PALD1: variants seen among roughly 807,000 people sequenced by gnomAD.
The protein encoded by PALD1 is phosphatase domain containing paladin 1, also known as paladin.
A neutral mutation model predicts 96.0 loss-of-function variants in PALD1; 57 were observed. That is an observed-to-expected ratio of 0.59 (90% CI 0.48 to 0.74). The LOEUF is 0.74. Among genes scored for constraint, PALD1 ranks in the 30% least tolerant of loss-of-function variants. The probability of loss-of-function intolerance (pLI) is 0.00; values close to 1 mark genes in which losing one functional copy is unlikely to be tolerated. For synonymous variants in PALD1, 464 were observed against 473.6 expected, an observed-to-expected ratio of 0.98 and a Z score of 0.26; for missense variants, 1,063 against 1,143.7, an observed-to-expected ratio of 0.93 and a Z score of 1.02.
intron 1 of PALD1, among the ~76,000 whole-genome samples, chr10:70,507,110 A>T (rs887241058): frequency 2.6e-5 from 4 of 152,066 alleles, no homozygotes; most frequent in African/African-American, 9.7e-5. Flanking sequence ...TATTAAAAAA[A>T]ATTTTTTTAG....
chr10:70,536,519 C>T (rs1432868963), intron 10 of PALD1, among the ~76,000 whole-genome samples: 2 of 152,178 alleles, frequency 1.3e-5, no homozygotes, highest in African/African-American at 4.8e-5. Context: ...TCTTTCTCCC[C>T]TTAGTCTAGA....
At chr10:70,554,952 TCCCCCC>T (rs1847569924) in intron 18 of PALD1, among the ~76,000 whole-genome samples, 1 of 284 alleles carries the variant, frequency 3.5e-3, no homozygotes. Context: ...CTCCCCCTCC[TCCCCCC>T]TCCCCTCCCC....
In PALD1 at chr10:70,518,154, C is replaced by T. The variant is rs1370380496; in HGVS notation, c.-29-7769C>T. 3.9e-5 allele frequency among the ~76,000 whole-genome samples: 6 copies of T among 152,092 alleles called. No homozygotes were observed. The South Asian group carries it at 8.3e-4, about 21-fold the overall frequency. On this transcript the variant is annotated intron_variant, in intron 1 of 19. Coordinates refer to ENST00000263563, the MANE Select transcript of PALD1 (RefSeq NM_014431.3). ...CCAACCTCAGGTGATCCGCCCGCCT[C>T]GGCCTCCAAAGTGCTGGGATTACAG...
chr10:70,531,572 C>G (rs1274754045), intron 5 of PALD1, 118 bp downstream of exon 5: 1 of 968,224 alleles, frequency 1.0e-6, no homozygotes, highest in Non-Finnish European at 1.5e-6. Context: ...TTGTGCCCTG[C>G]TTGGGTGAGT....
chr10:70,524,751 A>G (rs117936897), intron 1 of PALD1, among the ~76,000 whole-genome samples: 174 of 152,110 alleles, frequency 1.1e-3, no homozygotes, highest in Non-Finnish European at 2.0e-3. Flanking sequence ...TTAACATTCT[A>G]CCCTATAGAT....
At chr10:70,475,295 G>C (rs1845808145), upstream of PALD1, among the ~76,000 whole-genome samples, 1 of 152,192 alleles carries the variant, frequency 6.6e-6, no homozygotes, top group African/African-American at 2.4e-5. Flanking sequence ...TGCTGGAGAT[G>C]GGGCAGTGGG....
intron 1 of PALD1, among the ~76,000 whole-genome samples, chr10:70,482,033 A>G (rs4747035): frequency 0.79 from 119,809 of 152,212 alleles, 48,311 homozygotes; most frequent in East Asian, 0.94. Flanking sequence ...GTGAGTGCTC[A>G]GTTGATGTGG....
chr10:70,459,227 A>T, the PALD1 span, among the ~76,000 whole-genome samples: 2 of 152,130 alleles, frequency 1.3e-5, no homozygotes, highest in Non-Finnish European at 2.9e-5. Context: ...CTGGCACTAT[A>T]CTGACGGCTC....
At chr10:70,478,213 G>A (rs951638423), upstream of PALD1, among the ~76,000 whole-genome samples, 1 of 152,214 alleles carries the variant, frequency 6.6e-6, no homozygotes, top group African/African-American at 2.4e-5. Flanking sequence ...CCCCTGCTTG[G>A]GGGGACCGTC....
intron 1 of PALD1, among the ~76,000 whole-genome samples, chr10:70,489,021 TC>T (rs1316516396): frequency 6.6e-6 from 1 of 152,134 alleles, no homozygotes; most frequent in African/African-American, 2.4e-5. Context: ...GGGGGCTTCT[TC>T]CCGTCTCTCT....
In PALD1 at chr10:70,540,504, G is replaced by A. The variant is rs533482360; in HGVS notation, c.1909-598G>A. On this transcript the variant is annotated intron_variant, in intron 15 of 19. Coordinates refer to ENST00000263563, the MANE Select transcript of PALD1 (RefSeq NM_014431.3). This position sits in a 1 kb window ranked among gnomAD's most constrained non-coding sequence, Gnocchi z 4.2. ...CCGGACGTGGATCCCTGTGTGGTGCGTGTGTCTGGCGTGTGTTGTAGGTGA... is the reference window on the plus strand; with the variant it reads ...CCGGACGTGGATCCCTGTGTGGTGCATGTGTCTGGCGTGTGTTGTAGGTGA... Among the ~76,000 whole-genome samples, 8 of 152,072 alleles carry A rather than the reference G, an allele frequency of 5.3e-5. No homozygotes were observed. Among genetic ancestry groups the A allele is most frequent in the African/African-American group, 1.4e-4 (6 of 41,482 alleles).
chr10:70,528,349 C>T (rs985637281), intron 2 of PALD1, among the ~76,000 whole-genome samples: 3 of 152,176 alleles, frequency 2.0e-5, no homozygotes, highest in Admixed American at 2.0e-4. Context: ...TTGAAATAGC[C>T]CTGTGTGGAG....
chr10:70,495,537 G>T (rs1410848572), intron 1 of PALD1, among the ~76,000 whole-genome samples: 1 of 152,162 alleles, frequency 6.6e-6, no homozygotes, highest in African/African-American at 2.4e-5. Context: ...AGCAGACGGG[G>T]TTGGAATTAC....
chr10:70,545,697 C>A (rs989779178), intron 17 of PALD1, among the ~76,000 whole-genome samples: 2 of 151,956 alleles, frequency 1.3e-5, no homozygotes, highest in Admixed American at 1.3e-4. Flanking sequence ...CTCGGCCTCC[C>A]AAAGTGCTGG....
intron 8 of PALD1, 105 bp from the exon 9 acceptor site, chr10:70,534,320 C>G: frequency 2.4e-6 from 2 of 820,596 alleles, no homozygotes; most frequent in Non-Finnish European, 3.9e-6. Flanking sequence ...CAGAAGGAAC[C>G]TGTAGTCTGG....
chr10:70,469,024 C>T, the PALD1 span, among the ~76,000 whole-genome samples: 2 of 152,134 alleles, frequency 1.3e-5, no homozygotes, highest in African/African-American at 4.8e-5. Flanking sequence ...CCTCTAGCCG[C>T]GGAAGGCACC....
chr10:70,478,025 G>C (rs2132246153), upstream of PALD1, among the ~76,000 whole-genome samples: 1 of 151,808 alleles, frequency 6.6e-6, no homozygotes, highest in East Asian at 2.0e-4. Flanking sequence ...GCTAGTCCGC[G>C]CGTGTGGGGT....
chr10:70,538,257 C>T (rs578038864), intron 11 of PALD1, 23 bp from the exon 12 acceptor site: 90 of 1,599,036 alleles, frequency 5.6e-5, no homozygotes, highest in Non-Finnish European at 7.2e-5. Flanking sequence ...CTGAATTCCT[C>T]GTCTCTCTGC....
chr10:70,482,423 G>A (rs1249806995), intron 1 of PALD1, among the ~76,000 whole-genome samples: 1 of 152,192 alleles, frequency 6.6e-6, no homozygotes, highest in Non-Finnish European at 1.5e-5. Flanking sequence ...CTTGCAGATG[G>A]ACTTTTTATG....
Sources: gnomAD v4.1 joint callset for allele counts (sites outside exome capture counted in the v4.1 genomes callset) on GRCh38, gnomAD v4.1.1 for gene constraint, Gnocchi (gnomAD v3.1) non-coding constraint, MANE v1.5 for transcripts, NCBI Gene and HGNC (gene_info 2026-07-23, HGNC 2026-07-21) for gene names.